The following RAB3C variants were observed in gnomAD, a reference collection of about 807,000 sequenced individuals.
RAB3C encodes the protein ras-related protein Rab-3C.
RAB3C carries 17 observed loss-of-function variants against 26.4 expected under a neutral mutation model. The ratio of observed to expected loss-of-function variants is 0.64; its 90% CI spans 0.44 to 0.97. The LOEUF is 0.97. Among genes scored for constraint, RAB3C ranks in the 50% least tolerant of loss-of-function variants. The pLI is 0.00. For synonymous variants in RAB3C, 91 were observed against 95.9 expected (o/e 0.95, Z 0.30); for missense variants, 242 against 281.9 (o/e 0.86, Z 1.01).
chr5:58,650,210 A>G (rs1409085064), intron 2 of RAB3C, among the ~76,000 whole-genome samples: 1 of 152,100 alleles, frequency 6.6e-6, no homozygotes, highest in African/African-American at 2.4e-5. Context: ...ACCAGTTAAC[A>G]TTTTCTTAAA....
chr5:58,745,221 C>T (rs780226672), intron 3 of RAB3C, among the ~76,000 whole-genome samples: 3 of 151,694 alleles, frequency 2.0e-5, no homozygotes, highest in Non-Finnish European at 4.4e-5. Flanking sequence ...CACGGTGAAA[C>T]CCCATCTCTA....
intron 2 of RAB3C, among the ~76,000 whole-genome samples, chr5:58,723,977 G>T (rs1308060740): frequency 6.6e-6 from 1 of 151,830 alleles, no homozygotes; most frequent in Non-Finnish European, 1.5e-5. Context: ...CCTGAGGAGG[G>T]AGTTTGAGTT....
In RAB3C at chr5:58,591,603, T is replaced by TC. The variant is rs1157441389; in HGVS notation, c.24+8371_24+8372insC. Among the ~76,000 whole-genome samples the TC allele has an allele frequency of 1.9e-3, 71 of 38,206 alleles. 1 individual carries two copies. Among genetic ancestry groups the TC allele is most frequent in the African/African-American group, 7.5e-3 (69 of 9,242 alleles). 25.1% of individuals were successfully genotyped at this position (38,206 alleles called of 152,430 possible). On this transcript the variant is annotated intron_variant, in intron 1 of 4. Transcript: ENST00000282878. ...TTTTCATAGTATATATATATATATATATATAATTTTATTTATTTTCAACTT... is the reference window on the plus strand; with the variant it reads ...TTTTCATAGTATATATATATATATATCATATAATTTTATTTATTTTCAACTT...
chr5:58,622,878 C>T (rs1746965467), intron 2 of RAB3C, among the ~76,000 whole-genome samples: 1 of 152,194 alleles, frequency 6.6e-6, no homozygotes, highest in Admixed American at 6.5e-5. Flanking sequence ...AGCCCATGTA[C>T]TTGACCACAT....
At chr5:58,833,347 CACACACACACACACAT>C (rs1236810369) in intron 4 of RAB3C, among the ~76,000 whole-genome samples, 1 of 151,880 alleles carries the variant, frequency 6.6e-6, no homozygotes, top group Non-Finnish European at 1.5e-5. Flanking sequence ...CACACACACA[CACACACACACACACAT>C]ATTAAGTAAA....
chr5:58,752,556 G>A (rs1470564827), intron 3 of RAB3C, among the ~76,000 whole-genome samples: 3 of 152,004 alleles, frequency 2.0e-5, no homozygotes, highest in African/African-American at 7.2e-5. Flanking sequence ...TAGGGTTCAA[G>A]GTTTTGTGGT....
intron 2 of RAB3C, among the ~76,000 whole-genome samples, chr5:58,669,923 T>C (rs1411121412): frequency 6.6e-6 from 1 of 152,204 alleles, no homozygotes; most frequent in African/African-American, 2.4e-5. Context: ...TGGTGACTTC[T>C]GAATAGTTTA....
At chr5:58,595,092 A>G (rs1024679187) in intron 1 of RAB3C, among the ~76,000 whole-genome samples, 1 of 152,090 alleles carries the variant, frequency 6.6e-6, no homozygotes, top group Admixed American at 6.6e-5. Context: ...GATTGTGTTT[A>G]TTTTTAAAAA....
chr5:58,834,401 C>A (rs1743689014), intron 4 of RAB3C, among the ~76,000 whole-genome samples: 1 of 152,188 alleles, frequency 6.6e-6, no homozygotes, highest in Admixed American at 6.5e-5. Context: ...CTTACCCCTG[C>A]AAAAACAATT....
chr5:58,674,106 CAT>C (rs1291416686), intron 2 of RAB3C, among the ~76,000 whole-genome samples: 2 of 151,896 alleles, frequency 1.3e-5, no homozygotes, highest in Non-Finnish European at 2.9e-5. Context: ...AAATCCGACT[CAT>C]AAATATTTGA....
chr5:58,757,954 G>GTTTTA (rs1741711029), intron 3 of RAB3C, among the ~76,000 whole-genome samples: 1 of 151,930 alleles, frequency 6.6e-6, no homozygotes, highest in Non-Finnish European at 1.5e-5. Flanking sequence ...GTTTTGTTTT[G>GTTTTA]TTTTTGAGAC....
At chr5:58,782,532 T>G (rs531726147) in intron 3 of RAB3C, among the ~76,000 whole-genome samples, 6 of 152,342 alleles carry the variant, frequency 3.9e-5, no homozygotes, top group African/African-American at 1.4e-4. Flanking sequence ...GTTAAATATT[T>G]ATTCCTATAC....
chr5:58,749,149 GAATT>G (rs10544341), intron 3 of RAB3C, among the ~76,000 whole-genome samples: 27,396 of 152,072 alleles, frequency 0.18, 2,593 homozygotes, highest in East Asian at 0.3. Flanking sequence ...TTTATGAGTA[GAATT>G]GTACTTTGCA....
At chr5:58,804,539 A>G (rs941668461) in intron 3 of RAB3C, among the ~76,000 whole-genome samples, 6 of 152,222 alleles carry the variant, frequency 3.9e-5, no homozygotes, top group Admixed American at 2.6e-4. Flanking sequence ...TGTCTTATTT[A>G]GCACCATTGC....
At chr5:58,775,261 A>G (rs1170816179) in intron 3 of RAB3C, among the ~76,000 whole-genome samples, 1 of 152,102 alleles carries the variant, frequency 6.6e-6, no homozygotes, top group Non-Finnish European at 1.5e-5. Context: ...CTCTTGGCTG[A>G]GATCACAAAT....
rs191657437 is a variant in RAB3C at position 58,812,348 on chromosome 5, T to G, written c.372-12690T>G. Among the ~76,000 whole-genome samples the G allele has an allele frequency of 2.8e-3, 425 of 152,184 alleles. 3 individuals are homozygous for G. The highest frequency in any genetic ancestry group is 9.8e-3 in the African/African-American group (406 of 41,518). ...TCCCGATGCCATTCCTGGTGCTTGTTGGAAAAGCAGGATCTCAGGCCCCAC... is the reference window on the plus strand; with the variant it reads ...TCCCGATGCCATTCCTGGTGCTTGTGGGAAAAGCAGGATCTCAGGCCCCAC... On this transcript the variant is annotated intron_variant, in intron 3 of 4. Transcript: ENST00000282878.
intron 3 of RAB3C, chr5:58,794,523 A>G (rs1742600578): frequency 6.6e-6 from 1 of 152,174 alleles, no homozygotes; most frequent in South Asian, 2.1e-4. Flanking sequence ...TTTAAAAAAA[A>G]AAAACATTCT....
chr5:58,593,159 G>T (rs1746175012), intron 1 of RAB3C, among the ~76,000 whole-genome samples: 1 of 151,946 alleles, frequency 6.6e-6, no homozygotes, highest in Admixed American at 6.6e-5. Context: ...TAAGTTCAAT[G>T]ACTTTTTCTT....
chr5:58,737,449 A>C (rs1243251423), intron 3 of RAB3C, among the ~76,000 whole-genome samples: 2 of 64,064 alleles, frequency 3.1e-5, no homozygotes, highest in Admixed American at 4.0e-4. Context: ...ATATATATAT[A>C]ATTTACTTGT....
Sources: allele counts gnomAD v4.1 joint callset (sites outside exome capture counted in the v4.1 genomes callset), GRCh38; gene constraint gnomAD v4.1.1; transcripts MANE v1.5; gene names NCBI Gene and HGNC (gene_info 2026-07-23, HGNC 2026-07-21).